The following PCDHA2 variants were observed in gnomAD, a reference collection of about 807,000 sequenced individuals.
PCDHA2 encodes the protein protocadherin alpha-2.
In PCDHA2, 58 loss-of-function variants were observed where a neutral mutation model predicts 66.0. That is an observed-to-expected ratio of 0.88 (90% CI 0.71 to 1.09). The LOEUF is 1.09. Ranked by LOEUF, PCDHA2 falls within the 50% of genes least tolerant of loss-of-function variation. The pLI, the probability that PCDHA2 is intolerant of heterozygous loss-of-function variation, is 0.00. For missense variants in PCDHA2, 1,267 were observed against 1,242.3 expected (o/e 1.02, Z -0.30); for synonymous variants, 634 against 554.0 (o/e 1.14, Z -2.03).
chr5:140,868,170 A>G (rs926308746), intron 1 of PCDHA2: 1 of 152,132 alleles, frequency 6.6e-6, no homozygotes, highest in Non-Finnish European at 1.5e-5. Flanking sequence ...CTAAATTTTG[A>G]TATCTCATAT....
intron 1 of PCDHA2, chr5:140,821,788 CG>C: frequency 6.2e-7 from 1 of 1,611,448 alleles, no homozygotes; most frequent in Non-Finnish European, 8.5e-7. Flanking sequence ...GGTATATTCC[CG>C]GAGAGGAAGT....
Position 140,830,013 on chromosome 5 carries a change from A to T in PCDHA2, c.2388+32661A>T, listed in dbSNP as rs2150179527. The T allele has an allele frequency of 5.0e-6, 8 of 1,613,332 alleles. No homozygotes were observed. The Admixed American group carries it at 1.0e-4, about 20-fold the overall frequency. On this transcript the variant is annotated intron_variant, in intron 1 of 3. Coordinates refer to ENST00000526136, the MANE Select transcript of PCDHA2 (RefSeq NM_018905.3). ...ACCACTCGTGTCCTGGACGAAGCGG[A>T]CTCTCCGCGCCACCGGCTGCTGGTG...
At chr5:140,928,178 G>C (rs2085023372) in intron 1 of PCDHA2, 1 of 1,614,074 alleles carries the variant, frequency 6.2e-7, no homozygotes, top group African/African-American at 1.3e-5. Flanking sequence ...AGCACCCGAA[G>C]GACAATCACT....
At position 140,851,269 on chromosome 5, in the gene PCDHA2, T is replaced by C. The variant is rs1035284960; in HGVS notation, c.2388+53917T>C. ...GATGCATAGTATTTTAGTCTACTTG[T>C]ATTGTTTATAAGAAACCCAAGCAAA... is the stretch of plus-strand genomic sequence containing the variant. On this transcript the variant is annotated intron_variant, in intron 1 of 3. Transcript: ENST00000526136. 2.6e-5 allele frequency: 28 copies of C among 1,066,570 alleles called. No homozygotes were observed. In the South Asian group the frequency reaches 9.7e-4, roughly 37 times the overall value. The allele number at this position is 1,066,570 out of a possible 1,614,324, so 66.1% of individuals were successfully genotyped here. A position where few individuals can be genotyped will look rare whatever the true frequency, so the allele number is the denominator to read the frequency against.
At chr5:140,822,845 C>G in intron 1 of PCDHA2, 1 of 1,614,190 alleles carries the variant, frequency 6.2e-7, no homozygotes, top group Non-Finnish European at 8.5e-7. Flanking sequence ...CTTTTCCTGC[C>G]TGTCAAAGAG....
In PCDHA2 at chr5:140,834,300, C is replaced by A. The variant is rs111598234; in HGVS notation, c.2388+36948C>A. 3,027 of 1,283,790 alleles carry A rather than the reference C, an allele frequency of 2.4e-3. 46 individuals carry two copies. The African/African-American group carries it at 0.039, about 17-fold the overall frequency. 79.5% of individuals were successfully genotyped at this position (1,283,790 alleles called of 1,614,324 possible). On this transcript the variant is annotated intron_variant, in intron 1 of 3. Transcript: ENST00000526136. ...TGGATGCACAACAATGGCCACACATCGAGATTGAAATGAAGGGATAAAAAC... is the reference window on the plus strand; with the variant it reads ...TGGATGCACAACAATGGCCACACATAGAGATTGAAATGAAGGGATAAAAAC...
At chr5:140,880,521 A>G (rs1166001900) in intron 1 of PCDHA2, among the ~76,000 whole-genome samples, 1 of 152,260 alleles carries the variant, frequency 6.6e-6, no homozygotes, top group Non-Finnish European at 1.5e-5. Context: ...ACATCTCTCA[A>G]TGTGTGAATC....
chr5:140,856,105 C>T (rs1287720041), intron 1 of PCDHA2: 2 of 1,598,000 alleles, frequency 1.3e-6, no homozygotes, highest in Non-Finnish European at 1.7e-6. Flanking sequence ...CGCTTCTTCT[C>T]CTCGCAGCCT....
chr5:140,882,072 T>A (rs1340000642), intron 1 of PCDHA2: 5 of 861,462 alleles, frequency 5.8e-6, no homozygotes, highest in Non-Finnish European at 7.0e-6. Flanking sequence ...TTCATGCGCA[T>A]GGTGTCGCTC....
In PCDHA2 at chr5:140,996,798, A is replaced by G. The variant is rs528740592; in HGVS notation, c.2537-12829A>G. Among the ~76,000 whole-genome samples, 4 of 152,268 alleles carry G rather than the reference A, an allele frequency of 2.6e-5. No individual in the cohort carries two copies. In the East Asian group the frequency reaches 5.8e-4, roughly 22 times the overall value. ...AGTAGTGCCTCACTCCCTACATCCA[A>G]TCATGCTTTCCAAAAGTAACCACTA... On this transcript the variant is annotated intron_variant, in intron 3 of 3. Coordinates refer to ENST00000526136, the MANE Select transcript of PCDHA2 (RefSeq NM_018905.3).
chr5:140,898,040 GT>G (rs1301370622), intron 1 of PCDHA2, among the ~76,000 whole-genome samples: 7 of 151,970 alleles, frequency 4.6e-5, no homozygotes, highest in Non-Finnish European at 8.8e-5. Flanking sequence ...GGGGTTGTTT[GT>G]TTTTTTCTTG....
intron 1 of PCDHA2, among the ~76,000 whole-genome samples, chr5:140,799,886 T>C (rs530243110): frequency 1.1e-4 from 17 of 152,260 alleles, no homozygotes; most frequent in African/African-American, 4.1e-4. Context: ...ATAAATTTTC[T>C]TTGCCCCACT....
intron 1 of PCDHA2, among the ~76,000 whole-genome samples, chr5:140,799,095 A>C (rs1403454978): frequency 6.6e-6 from 1 of 152,240 alleles, no homozygotes; most frequent in African/African-American, 2.4e-5. Context: ...TTGCTCTATA[A>C]GTTTTTTCAA....
intron 1 of PCDHA2, chr5:140,884,570 G>A (rs1174925238): frequency 6.2e-7 from 1 of 1,614,074 alleles, no homozygotes; most frequent in Non-Finnish European, 8.5e-7. Flanking sequence ...GCATAAGACG[G>A]ACCTCATGGC....
chr5:140,882,136 A>T (rs2058967821), intron 1 of PCDHA2: 14 of 1,486,890 alleles, frequency 9.4e-6, no homozygotes, highest in Non-Finnish European at 1.3e-5. Context: ...TCCTGCAGAA[A>T]ATATAGCAGA....
intron 1 of PCDHA2, chr5:140,869,579 A>G: frequency 6.2e-7 from 1 of 1,614,178 alleles, no homozygotes; most frequent in Non-Finnish European, 8.5e-7. Flanking sequence ...GGAGCTTCTG[A>G]TGCTGACATT....
chr5:140,816,230 T>C (rs2126670263), intron 1 of PCDHA2: 2 of 152,348 alleles, frequency 1.3e-5, no homozygotes, highest in South Asian at 4.1e-4. Flanking sequence ...GTCTGGATAA[T>C]TTCAAATGAT....
chr5:140,967,379 A>G (rs1554229509), intron 1 of PCDHA2: 2 of 1,608,268 alleles, frequency 1.2e-6, no homozygotes, highest in East Asian at 2.2e-5. Flanking sequence ...GGAGAACAGT[A>G]AAGTGCTTGA....
At chr5:140,813,927 G>T (rs182316229) in intron 1 of PCDHA2, 1 of 152,448 alleles carries the variant, frequency 6.6e-6, no homozygotes, top group East Asian at 1.9e-4. Context: ...GACTTGAGGA[G>T]GTCAAGGCTA....
Sources: gnomAD v4.1 joint callset for allele counts (sites outside exome capture counted in the v4.1 genomes callset) on GRCh38, gnomAD v4.1.1 for gene constraint, MANE v1.5 for transcripts, NCBI Gene and HGNC (gene_info 2026-07-23, HGNC 2026-07-21) for gene names.